Variants in TTC39B observed in about 807,000 individuals in gnomAD.
TTC39B encodes tetratricopeptide repeat domain 39B, also known as tetratricopeptide repeat protein 39B.
Under a neutral mutation model 96.6 loss-of-function variants are expected in TTC39B, and 92 were observed. The observed-to-expected ratio is 0.95, with a 90% CI of 0.80 to 1.13. TTC39B has a LOEUF of 1.13. Among genes scored for constraint, TTC39B ranks in the 50% most tolerant of loss-of-function variants. TTC39B has a pLI of 0.00. For missense variants in TTC39B, 955 were observed against 809.3 expected (o/e 1.18, Z -2.18); for synonymous variants, 367 against 299.4 (o/e 1.23, Z -2.33).
intron 1 of TTC39B, among the ~76,000 whole-genome samples, chr9:15,277,248 G>A (rs549764842): frequency 8.5e-5 from 13 of 152,264 alleles, no homozygotes; most frequent in South Asian, 4.1e-4. Flanking sequence ...GACCAACATG[G>A]AGAAATCCCG....
chr9:15,182,282 C>T lies in TTC39B; in HGVS notation c.1723+25G>A, dbSNP rs137968001. 4.7e-6 allele frequency: 7 copies of T among 1,487,916 alleles called. No homozygotes were observed. In the East Asian group the frequency reaches 1.2e-4, roughly 25 times the overall value. The allele number at this position is 1,487,916 out of a possible 1,614,324, so 92.2% of individuals were successfully genotyped here. On this transcript the variant is annotated intron_variant, in intron 17 of 19. Transcript: ENST00000512701. ...AGTCATGGAGCAGAGACAAAGGCTC[C>T]TCGGTGCTTACTGTGTATACTTACT...
intron 3 of TTC39B, among the ~76,000 whole-genome samples, chr9:15,221,959 C>T (rs1384998513): frequency 6.6e-6 from 1 of 152,190 alleles, no homozygotes; most frequent in African/African-American, 2.4e-5. Flanking sequence ...TCTTGGCAAA[C>T]ACTGGTAACT....
intron 1 of TTC39B, among the ~76,000 whole-genome samples, chr9:15,275,307 C>A (rs1045880539): frequency 2.0e-5 from 3 of 152,180 alleles, no homozygotes; most frequent in African/African-American, 7.2e-5. Flanking sequence ...TCCCAAAGTG[C>A]TGGGATTACA....
intron 8 of TTC39B, among the ~76,000 whole-genome samples, chr9:15,196,861 G>A (rs1023483205): frequency 2.6e-5 from 4 of 152,130 alleles, no homozygotes; most frequent in African/African-American, 9.7e-5. Flanking sequence ...AAAGTCAATA[G>A]GTATGGCAAA....
At chr9:15,296,857 A>T (rs780818904) in intron 1 of TTC39B, among the ~76,000 whole-genome samples, 19 of 152,118 alleles carry the variant, frequency 1.2e-4, no homozygotes, top group Non-Finnish European at 2.5e-4. Flanking sequence ...TAGTCTCAGC[A>T]CTTTGAGAGG....
At position 15,304,628 on chromosome 9, in the gene TTC39B, A is replaced by G. The variant is rs974499113; in HGVS notation, c.240+2456T>C. Among the ~76,000 whole-genome samples the G allele has an allele frequency of 2.6e-5, 4 of 152,068 alleles. No homozygotes were observed. In the South Asian group the frequency reaches 8.3e-4, roughly 32 times the overall value. On this transcript the variant is annotated intron_variant, in intron 1 of 19. Transcript: ENST00000512701. ...TTCCATATTATTAGCCCTTCTCCCA[A>G]AAGAAACTCCCTCTTCCCCAACCTC... is the stretch of plus-strand genomic sequence containing the variant.
chr9:15,208,713 G>T lies in TTC39B; in HGVS notation c.691+1375C>A, dbSNP rs1198477477. On this transcript the variant is annotated intron_variant, in intron 6 of 19. Coordinates refer to ENST00000512701, the Ensembl canonical transcript of TTC39B. ...GTTTCAGCTGCCTAGAATGACCAAT[G>T]AAATGCCATTCTGTTTGACCATGGT... Among the ~76,000 whole-genome samples the T allele has an allele frequency of 2.0e-5, 3 of 152,180 alleles. No homozygotes were observed. The East Asian group carries it at 5.8e-4, about 29-fold the overall frequency.
intron 1 of TTC39B, among the ~76,000 whole-genome samples, chr9:15,283,343 G>A (rs940521074): frequency 6.6e-6 from 1 of 152,164 alleles, no homozygotes; most frequent in South Asian, 2.1e-4. Context: ...CTGTCACTAT[G>A]GAGATATACA....
intron 1 of TTC39B, among the ~76,000 whole-genome samples, chr9:15,289,660 C>T (rs905474148): frequency 2.6e-5 from 4 of 152,124 alleles, no homozygotes; most frequent in Non-Finnish European, 4.4e-5. Flanking sequence ...TCAGGTATGC[C>T]GGGAAAGAGG....
intron 1 of TTC39B, among the ~76,000 whole-genome samples, chr9:15,285,002 C>T (rs1038036717): frequency 2.0e-5 from 3 of 152,156 alleles, no homozygotes; most frequent in African/African-American, 7.2e-5. Flanking sequence ...TGGCTCACAC[C>T]TGTAATCCCA....
At chr9:15,255,922 T>C (rs1268602989) in intron 2 of TTC39B, among the ~76,000 whole-genome samples, 1 of 152,228 alleles carries the variant, frequency 6.6e-6, no homozygotes, top group Non-Finnish European at 1.5e-5. Flanking sequence ...CATTAGGAAC[T>C]CAATGGTGGC....
chr9:15,275,255 G>A (rs559871504), intron 1 of TTC39B, among the ~76,000 whole-genome samples: 1 of 152,260 alleles, frequency 6.6e-6, no homozygotes, highest in East Asian at 1.9e-4. Flanking sequence ...TGGTAAGGCT[G>A]GTCTTGAACT....
rs75681700 is a variant in TTC39B, at chr9:15,225,949, C to T, written c.339G>A (p.Ala113=). 5,348 of 1,613,954 alleles carry T rather than the reference C, an allele frequency of 3.3e-3. 140 individuals are homozygous for T. In the African/African-American group the frequency reaches 0.061, roughly 18 times the overall value. ...CAGTAGACGCTCCGCGCTGTCTGGGCGCCTGTTGTGTATCACATGATGCAA... is the reference window on the plus strand; with the variant it reads ...CAGTAGACGCTCCGCGCTGTCTGGGTGCCTGTTGTGTATCACATGATGCAA... Residue 113 remains alanine, a synonymous_variant, in exon 3 of 20, where the codon GCG becomes GCA. Coordinates refer to ENST00000512701, the Ensembl canonical transcript of TTC39B.
At chr9:15,236,945 A>C (rs372402323) in intron 2 of TTC39B, among the ~76,000 whole-genome samples, 1 of 152,138 alleles carries the variant, frequency 6.6e-6, no homozygotes, top group East Asian at 1.9e-4. Context: ...AACCAACCCA[A>C]AGCTAGCAGA....
intron 1 of TTC39B, among the ~76,000 whole-genome samples, chr9:15,296,337 T>C (rs777903148): frequency 2.6e-5 from 4 of 152,152 alleles, no homozygotes; most frequent in Non-Finnish European, 5.9e-5. Context: ...TTTACAGGCA[T>C]CCGTTTAAAA....
In TTC39B at chr9:15,288,723, C is replaced by T. The variant is rs549168244; in HGVS notation, c.240+18361G>A. ...TCCACGGATGGCAAGGTTAAAAGAG[C>T]GCACTGTAACACAACACATGCCACT... On this transcript the variant is annotated intron_variant, in intron 1 of 19. Transcript: ENST00000512701. Among the ~76,000 whole-genome samples the T allele has an allele frequency of 4.6e-5, 7 of 152,344 alleles. No individual in the cohort carries two copies. In the East Asian group the frequency reaches 7.7e-4, roughly 17 times the overall value.
intron 11 of TTC39B, among the ~76,000 whole-genome samples, chr9:15,190,204 G>A (rs1281443856): frequency 6.6e-6 from 1 of 151,984 alleles, no homozygotes. Flanking sequence ...TCTGCTAAAT[G>A]TCACTATGAC....
chr9:15,270,514 C>A lies in TTC39B; in HGVS notation c.241-2566G>T, dbSNP rs376665251. On this transcript the variant is annotated intron_variant, in intron 1 of 19. Transcript: ENST00000512701. ...GACACTAAAATACTTACTGAGTGAG[C>A]GACGCAAAGGATAACTTGGGAAGCC... Among the ~76,000 whole-genome samples, 5 of 151,352 alleles carry A rather than the reference C, an allele frequency of 3.3e-5. No homozygotes were observed. The East Asian group carries it at 9.7e-4, about 29-fold the overall frequency.
At chr9:15,190,473 G>T in intron 11 of TTC39B, 81 bp downstream of exon 11, 1 of 1,243,792 alleles carries the variant, frequency 8.0e-7, no homozygotes, top group Non-Finnish European at 1.2e-6. Flanking sequence ...AGCCTCCCAA[G>T]TAGTTGGGAT....
Sources: gnomAD v4.1 joint callset for allele counts (sites outside exome capture counted in the v4.1 genomes callset) on GRCh38, gnomAD v4.1.1 for gene constraint, MANE v1.5 for transcripts, NCBI Gene and HGNC (gene_info 2026-07-23, HGNC 2026-07-21) for gene names.